KHDRBS2: variants seen among roughly 807,000 people sequenced by gnomAD.
KHDRBS2 encodes the protein KH RNA binding domain containing, signal transduction associated 2.
Under a neutral mutation model 44.3 loss-of-function variants are expected in KHDRBS2, and 26 were observed. The ratio of observed to expected loss-of-function variants is 0.59; its 90% CI spans 0.43 to 0.81. KHDRBS2 has a LOEUF of 0.81. KHDRBS2 is among the 40% of genes least tolerant of loss of function. KHDRBS2 has a pLI of 0.00. For missense variants in KHDRBS2, 476 were observed against 433.1 expected, an observed-to-expected ratio of 1.10 and a Z score of -0.88; for synonymous variants, 194 against 151.1, an observed-to-expected ratio of 1.28 and a Z score of -2.08.
At chr6:61,790,407 T>TG (rs1206413793) in intron 6 of KHDRBS2, among the ~76,000 whole-genome samples, 67 of 139,768 alleles carry the variant, frequency 4.8e-4, no homozygotes, top group East Asian at 1.5e-3. Context: ...ACTTGGGACT[T>TG]AAAAAAAAAA....
chr6:62,079,410 A>G (rs1796971864), intron 2 of KHDRBS2, among the ~76,000 whole-genome samples: 1 of 152,020 alleles, frequency 6.6e-6, no homozygotes. Flanking sequence ...GCCTGGAATC[A>G]GGTTTCAGCA....
intron 7 of KHDRBS2, among the ~76,000 whole-genome samples, chr6:61,723,627 A>C (rs1164364087): frequency 6.6e-6 from 1 of 152,126 alleles, no homozygotes; most frequent in African/African-American, 2.4e-5. Flanking sequence ...TTAGAGAGGA[A>C]CATAACTGAC....
At position 62,006,860 on chromosome 6, in the gene KHDRBS2, A is replaced by C. The variant is rs182528775; in HGVS notation, c.337-28648T>G. On this transcript the variant is annotated intron_variant, in intron 3 of 8. Transcript: ENST00000281156. ...TGGAATCATCAAAATATATCAATAA[A>C]CATAAATAAAATAAAGCCTCAAAAT... 7.6e-4 allele frequency among the ~76,000 whole-genome samples: 115 copies of C among 152,176 alleles called. 1 individual carries two copies. Among genetic ancestry groups the C allele is most frequent in the Non-Finnish European group, 1.5e-3 (100 of 67,922 alleles).
At chr6:61,661,019 C>T in the KHDRBS2 span, among the ~76,000 whole-genome samples, 4 of 151,798 alleles carry the variant, frequency 2.6e-5, no homozygotes, top group Admixed American at 2.0e-4. Context: ...TTTATAACCT[C>T]ATGTTCTGAT....
chr6:62,130,960 G>C (rs1810157151), intron 2 of KHDRBS2, among the ~76,000 whole-genome samples: 1 of 151,884 alleles, frequency 6.6e-6, no homozygotes, highest in African/African-American at 2.4e-5. Flanking sequence ...TCAAACCATT[G>C]CAAGTTAAGG....
At chr6:61,807,454 T>A (rs1787346365) in intron 6 of KHDRBS2, among the ~76,000 whole-genome samples, 1 of 151,986 alleles carries the variant, frequency 6.6e-6, no homozygotes, top group Non-Finnish European at 1.5e-5. Flanking sequence ...GATAAGAAAA[T>A]GTGGTACATA....
intron 5 of KHDRBS2, among the ~76,000 whole-genome samples, chr6:61,898,881 G>A (rs1246993707): frequency 6.6e-6 from 1 of 151,966 alleles, no homozygotes; most frequent in Non-Finnish European, 1.5e-5. Flanking sequence ...ATGGAATTAT[G>A]TGAAACAATA....
In KHDRBS2 at chr6:61,768,321, G is replaced by A. The variant is rs138443416; in HGVS notation, c.811-35557C>T. ...ATCTTTGGGAGTTTGATTTTTAAGT[G>A]TCTTGAGATAGCCTCCTTTGGGTTA... On this transcript the variant is annotated intron_variant, in intron 6 of 8. Transcript: ENST00000281156. 5.9e-3 allele frequency among the ~76,000 whole-genome samples: 897 copies of A among 152,138 alleles called. 4 individuals are homozygous for A. Among genetic ancestry groups the A allele is most frequent in the Non-Finnish European group, 8.0e-3 (541 of 67,966 alleles).
intron 6 of KHDRBS2, among the ~76,000 whole-genome samples, chr6:61,839,709 T>C (rs1436065443): frequency 2.0e-5 from 3 of 151,990 alleles, no homozygotes; most frequent in African/African-American, 7.2e-5. Context: ...TATTAACAAG[T>C]TATTGAAAGT....
In KHDRBS2 at chr6:61,721,725, A is replaced by C. The variant is rs1395175431; in HGVS notation, c.893+10957T>G. Among the ~76,000 whole-genome samples the C allele has an allele frequency of 9.6e-5, 11 of 114,976 alleles. 3 individuals are homozygous for C. The East Asian group carries it at 2.5e-3, about 26-fold the overall frequency. 75.4% of individuals were successfully genotyped at this position (114,976 alleles called of 152,430 possible). A position where few individuals can be genotyped will look rare whatever the true frequency, so the allele number is the denominator to read the frequency against. Reference sequence around the variant, plus strand: ...AGCTATACAATCATGTCATCTGCAAACAGGGACAATTTGACTTCCTCTTTT... The same window carrying C: ...AGCTATACAATCATGTCATCTGCAACCAGGGACAATTTGACTTCCTCTTTT... On this transcript the variant is annotated intron_variant, in intron 7 of 8. Transcript: ENST00000281156.
chr6:62,061,462 G>T (rs1300426588), intron 2 of KHDRBS2, among the ~76,000 whole-genome samples: 2 of 150,704 alleles, frequency 1.3e-5, no homozygotes, highest in African/African-American at 4.9e-5. Context: ...TGAAATTCTG[G>T]GTTCAAAATT....
intron 1 of KHDRBS2, among the ~76,000 whole-genome samples, chr6:62,240,678 A>ATGTATGTGTGTGTGTG (rs1834496368): frequency 2.4e-5 from 2 of 82,530 alleles, no homozygotes; most frequent in Non-Finnish European, 4.5e-5. Flanking sequence ...GTGTGTATAT[A>ATGTATGTGTGTGTGTG]TATATATATA....
chr6:62,015,417 A>T (rs1005814723), intron 3 of KHDRBS2, among the ~76,000 whole-genome samples: 2 of 152,086 alleles, frequency 1.3e-5, no homozygotes, highest in African/African-American at 2.4e-5. Context: ...ATGCAGGTGC[A>T]TGCTTTCTGA....
At chr6:61,773,017 C>A (rs1243368272) in intron 6 of KHDRBS2, among the ~76,000 whole-genome samples, 1 of 152,208 alleles carries the variant, frequency 6.6e-6, no homozygotes, top group Non-Finnish European at 1.5e-5. Context: ...ATATGTGCCA[C>A]ATTTTCTTCA....
chr6:61,704,427 A>G (rs566361648), intron 7 of KHDRBS2, among the ~76,000 whole-genome samples: 1 of 151,864 alleles, frequency 6.6e-6, no homozygotes, highest in Non-Finnish European at 1.5e-5. Flanking sequence ...GATGGAATGA[A>G]GAAGCCTTAT....
intron 2 of KHDRBS2, among the ~76,000 whole-genome samples, chr6:62,111,319 C>G (rs1451654339): frequency 6.6e-6 from 1 of 152,018 alleles, no homozygotes; most frequent in Non-Finnish European, 1.5e-5. Context: ...ATTATACTAC[C>G]ACTGTAAAGC....
chr6:62,060,629 C>A (rs573924128), intron 2 of KHDRBS2, among the ~76,000 whole-genome samples: 5,236 of 148,482 alleles, frequency 0.035, 106 homozygotes, highest in African/African-American at 0.055. Flanking sequence ...CTCTCTCTCT[C>A]TCTCTATATA....
intron 1 of KHDRBS2, among the ~76,000 whole-genome samples, chr6:62,229,483 T>C (rs916359999): frequency 6.6e-6 from 1 of 152,042 alleles, no homozygotes; most frequent in Non-Finnish European, 1.5e-5. Context: ...CTCCCCCAAG[T>C]AGCTCAGATG....
At chr6:61,777,900 A>C (rs1782345529) in intron 6 of KHDRBS2, among the ~76,000 whole-genome samples, 2 of 151,962 alleles carry the variant, frequency 1.3e-5, no homozygotes, top group Admixed American at 6.6e-5. Context: ...GTTTGTTGTA[A>C]AGGTAATCTT....
Sources: allele counts gnomAD v4.1 joint callset (sites outside exome capture counted in the v4.1 genomes callset), GRCh38; gene constraint gnomAD v4.1.1; transcripts MANE v1.5; gene names NCBI Gene and HGNC (gene_info 2026-07-23, HGNC 2026-07-21).